Variants in XKR6 observed in about 807,000 individuals in gnomAD.
The protein encoded by XKR6 is XK-related protein 6.
XKR6 carries 22 observed loss-of-function variants against 56.7 expected under a neutral mutation model. The ratio of observed to expected loss-of-function variants is 0.39; its 90% confidence interval spans 0.28 to 0.55. The LOEUF is 0.55. Among genes scored for constraint, XKR6 ranks in the 20% least tolerant of loss-of-function variants. The pLI, the probability that XKR6 is intolerant of heterozygous loss-of-function variation, is 0.66. For missense variants in XKR6, 852 were observed against 889.0 expected, an observed-to-expected ratio of 0.96 and a Z score of 0.53; for synonymous variants, 524 against 387.8, an observed-to-expected ratio of 1.35 and a Z score of -4.13.
At chr8:10,908,968 T>G (rs899493002) in intron 2 of XKR6, among the ~76,000 whole-genome samples, 1 of 152,174 alleles carries the variant, frequency 6.6e-6, no homozygotes, top group Admixed American at 6.5e-5. Context: ...AGTTTGAGAC[T>G]AGCCTAGCCA....
intron 1 of XKR6, among the ~76,000 whole-genome samples, chr8:11,112,608 A>AT (rs1469413607): frequency 6.6e-6 from 1 of 152,234 alleles, no homozygotes; most frequent in African/African-American, 2.4e-5. Flanking sequence ...TTCAGAGTTC[A>AT]TATTTCCAAA....
chr8:11,089,820 G>A (rs993288907), intron 1 of XKR6, among the ~76,000 whole-genome samples: 3 of 151,996 alleles, frequency 2.0e-5, no homozygotes, highest in African/African-American at 7.3e-5. Flanking sequence ...CTTCCTGGAG[G>A]AGCCGCTATA....
At chr8:11,031,270 T>C (rs1380747946) in intron 1 of XKR6, among the ~76,000 whole-genome samples, 2 of 152,176 alleles carry the variant, frequency 1.3e-5, no homozygotes, top group Non-Finnish European at 2.9e-5. Context: ...GAGGGATATT[T>C]TAGACTTCCA....
At chr8:11,006,349 T>G (rs1185294592) in intron 1 of XKR6, among the ~76,000 whole-genome samples, 3 of 152,078 alleles carry the variant, frequency 2.0e-5, no homozygotes, top group Non-Finnish European at 4.4e-5. Context: ...GCCTGGGTAT[T>G]ATTAGGGTGG....
intron 1 of XKR6, among the ~76,000 whole-genome samples, chr8:11,085,950 G>A (rs943610074): frequency 6.6e-6 from 1 of 152,024 alleles, no homozygotes; most frequent in Admixed American, 6.6e-5. Flanking sequence ...CAACTTCCCA[G>A]ATGACTGCTG....
intron 1 of XKR6, among the ~76,000 whole-genome samples, chr8:11,000,600 G>T (rs528256502): frequency 6.6e-6 from 1 of 152,238 alleles, no homozygotes; most frequent in South Asian, 2.1e-4. Flanking sequence ...TGGGAGAATT[G>T]CTTCAACCCA....
chr8:11,092,574 A>G (rs763796180), intron 1 of XKR6, among the ~76,000 whole-genome samples: 2 of 152,172 alleles, frequency 1.3e-5, no homozygotes, highest in Non-Finnish European at 2.9e-5. Flanking sequence ...AAGGTTAGAA[A>G]GAGAAACTGC....
chr8:11,101,267 A>C (rs1316969006), intron 1 of XKR6, among the ~76,000 whole-genome samples: 2 of 152,204 alleles, frequency 1.3e-5, no homozygotes, highest in African/African-American at 4.8e-5. Context: ...GAACCTGAAT[A>C]ACAAGAATTG....
At chr8:11,189,558 G>A (rs929188262) in intron 1 of XKR6, among the ~76,000 whole-genome samples, 7 of 151,966 alleles carry the variant, frequency 4.6e-5, no homozygotes, top group African/African-American at 1.2e-4. Context: ...TATCCATTCC[G>A]CCCCTCTAAA....
intron 1 of XKR6, among the ~76,000 whole-genome samples, chr8:11,134,920 T>G (rs2116910085): frequency 6.6e-6 from 1 of 152,194 alleles, no homozygotes; most frequent in South Asian, 2.1e-4. Context: ...CATTTAATAA[T>G]ACAGAAAGAT....
intron 2 of XKR6, among the ~76,000 whole-genome samples, chr8:10,909,025 G>C (rs913723029): frequency 2.0e-5 from 3 of 152,186 alleles, no homozygotes; most frequent in African/African-American, 7.2e-5. Context: ...ATTTAGCCGG[G>C]TGTGGTGGCA....
chr8:11,136,772 C>T (rs1586598210), intron 1 of XKR6: 1 of 152,168 alleles, frequency 6.6e-6, no homozygotes, highest in African/African-American at 2.4e-5. Flanking sequence ...ACCTCAGAAC[C>T]AGAAGGAATA....
At chr8:11,038,046 T>C (rs1390671564) in intron 1 of XKR6, among the ~76,000 whole-genome samples, 1 of 149,980 alleles carries the variant, frequency 6.7e-6, no homozygotes, top group Non-Finnish European at 1.5e-5. Context: ...AAAAAAAGAT[T>C]GAATGCTAAG....
intron 1 of XKR6, among the ~76,000 whole-genome samples, chr8:11,164,272 G>C (rs1218353500): frequency 1.3e-5 from 2 of 152,206 alleles, no homozygotes; most frequent in African/African-American, 2.4e-5. Context: ...CTGTAATTGT[G>C]TGGCATAGCA....
intron 1 of XKR6, among the ~76,000 whole-genome samples, chr8:11,030,673 T>G (rs1798972595): frequency 6.6e-6 from 1 of 152,086 alleles, no homozygotes; most frequent in South Asian, 2.1e-4. Flanking sequence ...AGTTAATCCC[T>G]TGTAGACAGC....
chr8:11,042,630 G>C (rs928849709), intron 1 of XKR6, among the ~76,000 whole-genome samples: 7 of 152,194 alleles, frequency 4.6e-5, no homozygotes, highest in Non-Finnish European at 5.9e-5. Context: ...ATGGCAATAT[G>C]AAAATGGATT....
intron 1 of XKR6, among the ~76,000 whole-genome samples, chr8:11,145,913 C>A (rs994487066): frequency 6.6e-6 from 1 of 152,014 alleles, no homozygotes; most frequent in East Asian, 1.9e-4. Context: ...GGAAGAATAA[C>A]GTTTGAGGAC....
At chr8:11,005,361 G>GATATATATATATAT (rs1050511719) in intron 1 of XKR6, among the ~76,000 whole-genome samples, 5 of 148,784 alleles carry the variant, frequency 3.4e-5, no homozygotes, top group African/African-American at 1.0e-4. Flanking sequence ...GACTGTAGTA[G>GATATATATATATAT]ATATAGATAT....
intron 1 of XKR6, among the ~76,000 whole-genome samples, chr8:10,999,328 G>A (rs1216206935): frequency 6.6e-6 from 1 of 152,238 alleles, no homozygotes; most frequent in Non-Finnish European, 1.5e-5. Flanking sequence ...TGTTGGCTAA[G>A]GAGATGCACA....
Sources: allele counts gnomAD v4.1 joint callset (sites outside exome capture counted in the v4.1 genomes callset), GRCh38; gene constraint gnomAD v4.1.1; transcripts MANE v1.5; gene names NCBI Gene and HGNC (gene_info 2026-07-23, HGNC 2026-07-21).